GZF1: variants seen among roughly 807,000 people sequenced by gnomAD.
GZF1 encodes the protein GDNF-inducible zinc finger protein 1.
A neutral mutation model predicts 49.4 loss-of-function variants in GZF1; 28 were observed. The observed-to-expected ratio is 0.57, with a 90% CI of 0.42 to 0.78. The LOEUF (loss-of-function observed/expected upper bound fraction) is 0.78, where lower values mean the gene tolerates loss of function less well. Among genes scored for constraint, GZF1 ranks in the 30% least tolerant of loss-of-function variants. The pLI, the probability that GZF1 is intolerant of heterozygous loss-of-function variation, is 0.00. For synonymous variants in GZF1, 364 were observed against 356.0 expected, an observed-to-expected ratio of 1.02 and a Z score of -0.25; for missense variants, 798 against 916.2, an observed-to-expected ratio of 0.87 and a Z score of 1.67.
In GZF1 at chr20:23,369,693, G is replaced by A. The variant is rs373609226; in HGVS notation, c.1737G>A (p.Ala579=). ...HTGERPFMCN[A]CGRTFTDKST... Reference sequence around the variant, plus strand: ...GGGAGAGGCCATTCATGTGCAATGCGTGCGGACGGACATTCACCGACAAGT... The same window carrying A: ...GGGAGAGGCCATTCATGTGCAATGCATGCGGACGGACATTCACCGACAAGT... Residue 579 remains alanine, a synonymous_variant, in exon 5 of 6, where the codon GCG becomes GCA. Transcript: ENST00000338121. The A allele has an allele frequency of 9.3e-6, 15 of 1,614,022 alleles. No individual in the cohort carries two copies. Among genetic ancestry groups the A allele is most frequent in the Non-Finnish European group, 1.1e-5 (13 of 1,179,946 alleles).
intron 2 of GZF1, 101 bp downstream of exon 2, chr20:23,365,848 C>T: frequency 7.1e-7 from 1 of 1,416,008 alleles, no homozygotes; most frequent in East Asian, 2.6e-5. Context: ...AATTTCTCCG[C>T]TCCAAACCTG....
In GZF1 at chr20:23,369,888, C is replaced by T. The variant is rs17830281; in HGVS notation, c.1785+147C>T. On this transcript the variant is annotated intron_variant, in intron 5 of 5. Coordinates refer to ENST00000338121, the MANE Select transcript of GZF1 (RefSeq NM_022482.5). ...GGTTGTCTCTGCAGTGGAACGCTCA[C>T]GGAATGAATGAAGTGGAACACCAAG... 83,085 of 989,508 alleles carry T rather than the reference C, an allele frequency of 0.084. 4,757 individuals are homozygous for T. Among genetic ancestry groups the T allele is most frequent in the East Asian group, 0.27 (10,419 of 38,174 alleles). 61.3% of individuals were successfully genotyped at this position (989,508 alleles called of 1,614,324 possible).
At chr20:23,361,573 G>T (rs553890563), upstream of GZF1, among the ~76,000 whole-genome samples, 11 of 152,242 alleles carry the variant, frequency 7.2e-5, no homozygotes, top group South Asian at 2.3e-3. Context: ...CACCGCGGAA[G>T]AAGCGCCCCA....
Position 23,370,075 on chromosome 20 carries a change from T to C in GZF1, c.1786-16T>C, listed in dbSNP as rs1254452171. ...GAGACACATTCAGTGACCTTTGTTT[T>C]GTGTTTAACTTATAGATACACGATA... is the stretch of plus-strand genomic sequence containing the variant. On this transcript the variant is annotated splice_polypyrimidine_tract_variant and intron_variant, in intron 5 of 5. Coordinates refer to ENST00000338121, the MANE Select transcript of GZF1 (RefSeq NM_022482.5). 2 of 1,598,138 alleles carry C rather than the reference T, an allele frequency of 1.3e-6. No homozygotes were observed. Among genetic ancestry groups the C allele is most frequent in the South Asian group, 2.2e-5 (2 of 90,668 alleles).
rs1288148933 is a variant in GZF1 at position 23,371,540 on chromosome 20, CT to C, written c.*1102del. On this transcript the variant is annotated 3_prime_UTR_variant, in exon 6 of 6. Transcript: ENST00000338121. ...AGAGTTGATTGTGAAGAACCAGTAA[CT>C]TTGTCCCAAATGCTTCTTTGGCTGT... is the stretch of plus-strand genomic sequence containing the variant. 1 of 152,656 alleles carries C rather than the reference CT, an allele frequency of 6.6e-6. No homozygotes were observed. Among genetic ancestry groups the C allele is most frequent in the Non-Finnish European group, 1.5e-5 (1 of 68,040 alleles). 9.5% of individuals were successfully genotyped at this position (152,656 alleles called of 1,614,324 possible). A position where few individuals can be genotyped will look rare whatever the true frequency, so the allele number is the denominator to read the frequency against.
In GZF1 at chr20:23,371,897, A is replaced by G. The variant is rs1368589108; in HGVS notation, c.*1456A>G. ...ATTAATGAGGGAAGACTTTCTTCCT[A>G]AGTGCTTATGTTTTAACTTATGTTA... On this transcript the variant is annotated 3_prime_UTR_variant, in exon 6 of 6. Coordinates refer to ENST00000338121, the MANE Select transcript of GZF1 (RefSeq NM_022482.5). The G allele has an allele frequency of 6.6e-6, 1 of 152,402 alleles. No homozygotes were observed. The highest frequency in any genetic ancestry group is 1.5e-5 in the Non-Finnish European group (1 of 68,048). The allele number at this position is 152,402 out of a possible 1,614,324, so 9.4% of individuals were successfully genotyped here.
rs754537227 is a variant in GZF1, at chr20:23,366,993, G to C, written c.1365-10G>C. On this transcript the variant is annotated splice_polypyrimidine_tract_variant and intron_variant, in intron 2 of 5. Transcript: ENST00000338121. ...CATCCTAAGTTATCATCTGAATGTTGTACTTTCAGAATTCATACAGGGGAA... is the reference window on the plus strand; with the variant it reads ...CATCCTAAGTTATCATCTGAATGTTCTACTTTCAGAATTCATACAGGGGAA... 1 of 1,563,136 alleles carries C rather than the reference G, an allele frequency of 6.4e-7. No homozygotes were observed. The highest frequency in any genetic ancestry group is 8.8e-7 in the Non-Finnish European group (1 of 1,134,446).
chr20:23,367,105 C>G lies in GZF1; in HGVS notation c.1459+8C>G. ...ATAAAAGGTGTCACACAGGTAAATA[C>G]TCATGCTGTTGTGATTGAATGTCTT... On this transcript the variant is annotated splice_region_variant and intron_variant, in intron 3 of 5. Coordinates refer to ENST00000338121, the MANE Select transcript of GZF1 (RefSeq NM_022482.5). 1 of 1,555,434 alleles carries G rather than the reference C, an allele frequency of 6.4e-7. No homozygotes were observed. Among genetic ancestry groups the G allele is most frequent in the Non-Finnish European group, 8.9e-7 (1 of 1,128,556 alleles).
chr20:23,364,327 G>T lies in GZF1; in HGVS notation c.-21-36G>T, dbSNP rs1981037767. ...TAAATTTTAGTCCTTTTGCATCAGTGGTTGCTCATGCATAATTCTTGTTTC... is the reference window on the plus strand; with the variant it reads ...TAAATTTTAGTCCTTTTGCATCAGTTGTTGCTCATGCATAATTCTTGTTTC... On this transcript the variant is annotated intron_variant, in intron 1 of 5. Coordinates refer to ENST00000338121, the MANE Select transcript of GZF1 (RefSeq NM_022482.5). 4.0e-6 allele frequency: 5 copies of T among 1,249,302 alleles called. No individual in the cohort carries two copies. The South Asian group carries it at 7.2e-5, about 18-fold the overall frequency. 77.4% of individuals were successfully genotyped at this position (1,249,302 alleles called of 1,614,324 possible). A position where few individuals can be genotyped will look rare whatever the true frequency, so the allele number is the denominator to read the frequency against.
rs745595003 is a variant in GZF1 at position 23,369,690 on chromosome 20, T to C, written c.1734T>C (p.Asn578=). ...IHTGERPFMC[N]ACGRTFTDKS... ...CAGGGGAGAGGCCATTCATGTGCAATGCGTGCGGACGGACATTCACCGACA... is the reference window on the plus strand; with the variant it reads ...CAGGGGAGAGGCCATTCATGTGCAACGCGTGCGGACGGACATTCACCGACA... The change falls in exon 5 of 6, where the codon AAT becomes AAC. Residue 578 remains asparagine (N), a synonymous_variant. Transcript: ENST00000338121. The C allele has an allele frequency of 2.0e-5, 32 of 1,613,972 alleles. No homozygotes were observed. In the Middle Eastern group the frequency reaches 1.3e-3, roughly 66 times the overall value.
upstream of GZF1, among the ~76,000 whole-genome samples, chr20:23,361,889 C>G (rs986604661): frequency 1.3e-5 from 2 of 152,236 alleles, no homozygotes; most frequent in Non-Finnish European, 2.9e-5. Context: ...CTTTTCGCGA[C>G]TGGCCCCGCC....
chr20:23,370,090 G>A lies in GZF1; in HGVS notation c.1786-1G>A, dbSNP rs752129242. ...ACCTTTGTTTTGTGTTTAACTTATA[G>A]ATACACGATAAGAATACTCCATGGA... On this transcript the variant is annotated splice_acceptor_variant, in intron 5 of 5. Coordinates refer to ENST00000338121, the MANE Select transcript of GZF1 (RefSeq NM_022482.5). LOFTEE classifies it high-confidence loss of function. 1.2e-6 allele frequency: 2 copies of A among 1,611,864 alleles called. No individual in the cohort carries two copies. The highest frequency in any genetic ancestry group is 1.1e-5 in the South Asian group (1 of 91,030).
Position 23,364,966 on chromosome 20 carries a change from G to T in GZF1, c.583G>T (p.Asp195Tyr). 6.2e-7 allele frequency: 1 copy of T among 1,614,254 alleles called. No individual in the cohort carries two copies. Among genetic ancestry groups the T allele is most frequent in the Non-Finnish European group, 8.5e-7 (1 of 1,180,052 alleles). ...GERASNGMSS[D>Y]LPPKKSKDKL... Reference sequence around the variant, plus strand: ...GAGAGCCAGCAATGGCATGTCTTCAGATTTGCCACCGAAGAAGTCCAAGGA... The same window carrying T: ...GAGAGCCAGCAATGGCATGTCTTCATATTTGCCACCGAAGAAGTCCAAGGA... The change falls in exon 2 of 6, where the codon GAT (aspartate) becomes TAT (tyrosine). Residue 195 changes from aspartate (D) to tyrosine (Y), a missense_variant. This residue lies in a region of GZF1 where 247 missense variants were observed against 228.5 expected (regional missense o/e 1.08). Transcript: ENST00000338121.
upstream of GZF1, among the ~76,000 whole-genome samples, chr20:23,361,387 G>T (rs183100336): frequency 1.3e-5 from 2 of 152,276 alleles, no homozygotes; most frequent in Admixed American, 1.3e-4. Context: ...CGAGGAGTCA[G>T]CGAATCTTAG....
chr20:23,366,931 A>G, intron 2 of GZF1, 72 bp from the exon 3 acceptor site: 2 of 1,033,592 alleles, frequency 1.9e-6, no homozygotes, highest in South Asian at 1.3e-5. Context: ...TTTGCAGGAT[A>G]GAGTGGAAAT....
upstream of GZF1, chr20:23,362,113 G>A (rs2123013432): frequency 6.6e-6 from 1 of 152,356 alleles, no homozygotes. Flanking sequence ...CCGCGGGAGG[G>A]GAGGGGCCTG....
intron 1 of GZF1, among the ~76,000 whole-genome samples, chr20:23,363,942 T>A (rs544971349): frequency 6.6e-6 from 1 of 152,338 alleles, no homozygotes; most frequent in South Asian, 2.1e-4. Flanking sequence ...TTGGATTTGC[T>A]CCCAGATGGT....
At position 23,364,911 on chromosome 20, in the gene GZF1, T is replaced by A; in HGVS notation, c.528T>A (p.Gly176=). 1 of 1,614,164 alleles carries A rather than the reference T, an allele frequency of 6.2e-7. No homozygotes were observed. Among genetic ancestry groups the A allele is most frequent in the Non-Finnish European group, 8.5e-7 (1 of 1,180,018 alleles). Residue 176 remains glycine, a synonymous_variant, in exon 2 of 6, where the codon GGT becomes GGA. Coordinates refer to ENST00000338121, the MANE Select transcript of GZF1 (RefSeq NM_022482.5). ...CCACCGATGGCCCTCACCCCAGTGGTCTCACGGATTCCTTGGACTACCCAG... is the reference window on the plus strand; with the variant it reads ...CCACCGATGGCCCTCACCCCAGTGGACTCACGGATTCCTTGGACTACCCAG... The part of the protein sequence containing the change: ...SVATDGPHPS[G]LTDSLDYPGE...
At position 23,368,741 on chromosome 20, in the gene GZF1, TTA is replaced by T; in HGVS notation, c.1460-19_1460-18del. On this transcript the variant is annotated intron_variant, in intron 3 of 5. Coordinates refer to ENST00000338121, the MANE Select transcript of GZF1 (RefSeq NM_022482.5). ...TTTAATGCCTGTATTGTTTATGACT[TTA>T]TTTCATTTTCTCATGTAGGTGAAAG... 1.0e-5 allele frequency: 16 copies of T among 1,590,404 alleles called. 1 individual carries two copies. In the Middle Eastern group the frequency reaches 2.7e-3, roughly 269 times the overall value.
Sources: gnomAD v4.1 joint callset for allele counts (sites outside exome capture counted in the v4.1 genomes callset) on GRCh38, gnomAD v4.1.1 for gene constraint, gnomAD v4.1.1 regional missense constraint, MANE v1.5 for transcripts, NCBI Gene and HGNC (gene_info 2026-07-23, HGNC 2026-07-21) for gene names.